SMARCAD1: variants seen among roughly 807,000 people sequenced by gnomAD.
The protein encoded by SMARCAD1 is SNF2 related chromatin remodeling ATPase with DExD box 1, also known as SWI/SNF-related matrix-associated actin-dependent regulator of chromatin subfamily A containing DEAD/H box 1.
SMARCAD1 carries 25 observed loss-of-function variants against 127.1 expected under a neutral mutation model. The ratio of observed to expected loss-of-function variants is 0.20; its 90% confidence interval spans 0.14 to 0.27. The LOEUF (loss-of-function observed/expected upper bound fraction) is 0.27, where lower values mean the gene tolerates loss of function less well. Ranked by LOEUF, SMARCAD1 falls within the 10% of genes least tolerant of loss-of-function variation. The pLI is 1.00. For missense variants in SMARCAD1, 807 were observed against 1,206.0 expected (o/e 0.67, Z 4.90); for synonymous variants, 400 against 396.9 (o/e 1.01, Z -0.09).
chr4:94,229,223 A>G (rs2125844174), intron 3 of SMARCAD1, among the ~76,000 whole-genome samples: 1 of 152,262 alleles, frequency 6.6e-6, no homozygotes, highest in East Asian at 1.9e-4. Flanking sequence ...GCTTTCACTC[A>G]GTAGTTGTAG....
rs777188583 is a variant in SMARCAD1 at position 94,240,931 on chromosome 4, A to T, written c.630A>T (p.Leu210Phe). ...GTGGTGGGCCCAGGAAAAGAAAATT[A>T]TCTTCTTCTTCAGAGCCATATGAGG... ...DAGGGPRKRK[L>F]SSSSEPYEED... The change falls in exon 6 of 24, where the codon TTA becomes TTT. Residue 210 changes from leucine to phenylalanine, a missense_variant. Leu to Phe is a conservative substitution (Grantham distance 22). Coordinates refer to ENST00000354268, the MANE Select transcript of SMARCAD1 (RefSeq NM_020159.5). The T allele has an allele frequency of 4.3e-6, 7 of 1,613,442 alleles. No individual in the cohort carries two copies. Among genetic ancestry groups the T allele is most frequent in the Non-Finnish European group, 5.9e-6 (7 of 1,179,658 alleles).
rs1237354316 is a variant in SMARCAD1, at chr4:94,280,630, T to G, written c.2457T>G (p.Phe819Leu). 1.2e-6 allele frequency: 2 copies of G among 1,613,686 alleles called. No homozygotes were observed. Among genetic ancestry groups the G allele is most frequent in the Admixed American group, 3.3e-5 (2 of 59,996 alleles). Reference sequence around the variant, plus strand: ...GTGAGGCTAACCCTGACCTGATCTTTGAAGATATGGAAGTTATGACAGACT... The same window carrying G: ...GTGAGGCTAACCCTGACCTGATCTTGGAAGATATGGAAGTTATGACAGACT... ...THCEANPDLI[F>L]EDMEVMTDFE... The change falls in exon 20 of 24, where the codon TTT (phenylalanine) becomes TTG (leucine). Residue 819 changes from phenylalanine (F) to leucine (L), a missense_variant. Phe to Leu is a conservative substitution (Grantham distance 22). Transcript: ENST00000354268.
chr4:94,288,890 T>C (rs1228911671), intron 23 of SMARCAD1, among the ~76,000 whole-genome samples: 2 of 152,166 alleles, frequency 1.3e-5, no homozygotes, highest in East Asian at 3.8e-4. Context: ...TTAGAAAATC[T>C]CAAATAATTC....
At chr4:94,258,973 T>C (rs926653577) in intron 9 of SMARCAD1, among the ~76,000 whole-genome samples, 8 of 152,124 alleles carry the variant, frequency 5.3e-5, no homozygotes, top group Admixed American at 5.2e-4. Context: ...TATTCTTCTT[T>C]TTTTGTTGTT....
intron 7 of SMARCAD1, among the ~76,000 whole-genome samples, chr4:94,250,518 A>C (rs994291576): frequency 1.3e-5 from 2 of 152,112 alleles, no homozygotes. Context: ...CTTCATAGTG[A>C]GCATTAGAAA....
At chr4:94,253,747 T>C in intron 9 of SMARCAD1, 1 of 894,920 alleles carries the variant, frequency 1.1e-6, no homozygotes, top group Non-Finnish European at 1.3e-6. Flanking sequence ...ACCTGCATTT[T>C]GAGTTTTATG....
chr4:94,240,845 C>A, intron 5 of SMARCAD1, 61 bp from the exon 6 acceptor site: 1 of 1,273,600 alleles, frequency 7.9e-7, no homozygotes, highest in South Asian at 1.2e-5. Context: ...CTTTGTTTTA[C>A]ATTAAATTGA....
intron 9 of SMARCAD1, among the ~76,000 whole-genome samples, chr4:94,260,541 A>G (rs114870347): frequency 8.3e-4 from 126 of 152,014 alleles, no homozygotes; most frequent in African/African-American, 2.9e-3. Flanking sequence ...ACAGGGTTCC[A>G]CTGTGTTGGA....
rs1346857694 is a variant in SMARCAD1 at position 94,278,317 on chromosome 4, TAACTC to T, written c.2083-103_2083-99del. On this transcript the variant is annotated intron_variant, in intron 16 of 23. Transcript: ENST00000354268. Reference sequence around the variant, plus strand: ...GAATGAATCAAGTTTCTGCAGAAAATAACTCAGACTCTAATGAGGGAGATTTTTAT... The same window carrying T: ...GAATGAATCAAGTTTCTGCAGAAAATAGACTCTAATGAGGGAGATTTTTAT... 3.0e-5 allele frequency: 30 copies of T among 997,252 alleles called. No individual in the cohort carries two copies. The African/African-American group carries it at 3.2e-4, about 11-fold the overall frequency. 61.8% of individuals were successfully genotyped at this position (997,252 alleles called of 1,614,324 possible).
At chr4:94,241,864 G>T (rs1368765710) in intron 6 of SMARCAD1, among the ~76,000 whole-genome samples, 1 of 152,094 alleles carries the variant, frequency 6.6e-6, no homozygotes, top group African/African-American at 2.4e-5. Context: ...TTGTAAATGG[G>T]CCTATTGAGC....
intron 6 of SMARCAD1, 31 bp downstream of exon 6, chr4:94,241,037 A>G: frequency 6.5e-7 from 1 of 1,528,100 alleles, no homozygotes. Flanking sequence ...CAGTATCAAA[A>G]TTGGCTGCTT....
intron 20 of SMARCAD1, 124 bp downstream of exon 20, chr4:94,280,904 G>GAA: frequency 1.1e-6 from 1 of 912,648 alleles, no homozygotes; most frequent in Non-Finnish European, 1.7e-6. Flanking sequence ...AGAACTTAGT[G>GAA]TTTTGAACAT....
Position 94,233,948 on chromosome 4 carries a change from T to A in SMARCAD1, c.369-6T>A. On this transcript the variant is annotated splice_polypyrimidine_tract_variant and splice_region_variant and intron_variant, in intron 3 of 23. Coordinates refer to ENST00000354268, the MANE Select transcript of SMARCAD1 (RefSeq NM_020159.5). ...ATGTTTTTTGCTCCTCTAAAAATAT[T>A]TTTAGTTCTGAGCCATCTGAAGATG... 2 of 1,613,482 alleles carry A rather than the reference T, an allele frequency of 1.2e-6. No homozygotes were observed. Among genetic ancestry groups the A allele is most frequent in the African/African-American group, 1.3e-5 (1 of 75,018 alleles).
At chr4:94,260,467 C>G (rs934395963) in intron 9 of SMARCAD1, among the ~76,000 whole-genome samples, 1 of 152,042 alleles carries the variant, frequency 6.6e-6, no homozygotes, top group Non-Finnish European at 1.5e-5. Context: ...CCTCAGCCTC[C>G]TGAATAGCTG....
At chr4:94,272,692 G>A (rs772001711) in intron 11 of SMARCAD1, among the ~76,000 whole-genome samples, 1 of 151,874 alleles carries the variant, frequency 6.6e-6, no homozygotes. Flanking sequence ...TTCTGTTTTT[G>A]TTTTTTTAAA....
At position 94,244,021 on chromosome 4, in the gene SMARCAD1, A is replaced by G. The variant is rs567928574; in HGVS notation, c.705+3015A>G. On this transcript the variant is annotated intron_variant, in intron 6 of 23. Coordinates refer to ENST00000354268, the MANE Select transcript of SMARCAD1 (RefSeq NM_020159.5). ...AAGGAATCCACATTATGGACCATCA[A>G]AGATAATGCCACAAAAATAAAAGTG... is the stretch of plus-strand genomic sequence containing the variant. Among the ~76,000 whole-genome samples, 12 of 152,354 alleles carry G rather than the reference A, an allele frequency of 7.9e-5. No individual in the cohort carries two copies. In the South Asian group the frequency reaches 2.5e-3, roughly 32 times the overall value.
At chr4:94,207,733 A>T (rs1370277594), upstream of SMARCAD1, 2 of 189,574 alleles carry the variant, frequency 1.1e-5, no homozygotes, top group East Asian at 2.9e-4. Flanking sequence ...AGGCTACAAG[A>T]TCGTAAGTAC....
At chr4:94,225,484 C>T (rs1400519882) in intron 2 of SMARCAD1, among the ~76,000 whole-genome samples, 1 of 152,110 alleles carries the variant, frequency 6.6e-6, no homozygotes, top group Admixed American at 6.5e-5. Context: ...AGGGCCCACA[C>T]ACATGACCTC....
intron 1 of SMARCAD1, 32 bp downstream of exon 1, chr4:94,208,102 G>A (rs1237270122): frequency 3.6e-6 from 2 of 548,764 alleles, no homozygotes; most frequent in Non-Finnish European, 6.9e-6. Context: ...GTCAGCTCGT[G>A]GTTTCAGTAA....
Sources: gnomAD v4.1 joint callset for allele counts (sites outside exome capture counted in the v4.1 genomes callset) on GRCh38, gnomAD v4.1.1 for gene constraint, MANE v1.5 for transcripts, NCBI Gene and HGNC (gene_info 2026-07-23, HGNC 2026-07-21) for gene names.